Variants in PTPRK observed in about 807,000 individuals in gnomAD.
The protein encoded by PTPRK is protein tyrosine phosphatase receptor type K.
PTPRK carries 75 observed loss-of-function variants against 178.0 expected under a neutral mutation model. That is an observed-to-expected ratio of 0.42 (90% CI 0.35 to 0.51). The LOEUF is 0.51. Among genes scored for constraint, PTPRK ranks in the 20% least tolerant of loss-of-function variants. The pLI is 0.02. For synonymous variants in PTPRK, 637 were observed against 620.6 expected (o/e 1.03, Z -0.39); for missense variants, 1,441 against 1,797.8 (o/e 0.80, Z 3.59).
In PTPRK at chr6:128,297,736, G is replaced by A. The variant is rs567091967; in HGVS notation, c.495+24303C>T. Among the ~76,000 whole-genome samples the A allele has an allele frequency of 3.3e-5, 5 of 152,186 alleles. No individual in the cohort carries two copies. In the East Asian group the frequency reaches 9.7e-4, roughly 29 times the overall value. On this transcript the variant is annotated intron_variant, in intron 3 of 29. Coordinates refer to ENST00000368226, the MANE Select transcript of PTPRK (RefSeq NM_002844.4). ...GACACATTCAAAGCAGTGTGTAGAG[G>A]GAAATTTATAGCACTAAATGCCCAC...
chr6:128,254,143 G>C (rs1166641794), intron 3 of PTPRK, among the ~76,000 whole-genome samples: 1 of 152,116 alleles, frequency 6.6e-6, no homozygotes, highest in African/African-American at 2.4e-5. Flanking sequence ...GAGGAGAAAG[G>C]TTTTGACATA....
At chr6:128,154,094 G>C (rs1433097686) in intron 7 of PTPRK, among the ~76,000 whole-genome samples, 1 of 151,706 alleles carries the variant, frequency 6.6e-6, no homozygotes, top group East Asian at 1.9e-4. Flanking sequence ...GATAGAAAAA[G>C]CTAAGACAGG....
At chr6:128,079,288 G>A (rs549905498) in intron 10 of PTPRK, among the ~76,000 whole-genome samples, 55 of 152,088 alleles carry the variant, frequency 3.6e-4, no homozygotes, top group African/African-American at 1.3e-3. Flanking sequence ...CACATATGGC[G>A]ATCAGGAGCT....
intron 3 of PTPRK, among the ~76,000 whole-genome samples, chr6:128,251,875 T>A (rs1273947623): frequency 1.3e-5 from 2 of 152,200 alleles, no homozygotes; most frequent in African/African-American, 2.4e-5. Flanking sequence ...GCATTACCAA[T>A]TGCCTGCATG....
chr6:128,460,442 T>G (rs1206602140), intron 1 of PTPRK, among the ~76,000 whole-genome samples: 1 of 151,928 alleles, frequency 6.6e-6, no homozygotes, highest in East Asian at 1.9e-4. Context: ...TTCAAGAGGC[T>G]GAGGTGGGAG....
chr6:128,304,240 T>C (rs955129826), intron 3 of PTPRK, among the ~76,000 whole-genome samples: 5 of 152,308 alleles, frequency 3.3e-5, no homozygotes, highest in African/African-American at 1.2e-4. Context: ...TGAGAGAAAG[T>C]ATTTTAGAAT....
intron 2 of PTPRK, among the ~76,000 whole-genome samples, chr6:128,367,078 C>T (rs1835607218): frequency 6.6e-6 from 1 of 152,110 alleles, no homozygotes; most frequent in African/African-American, 2.4e-5. Flanking sequence ...ACCTTGGTCT[C>T]TATGTGCCAC....
intron 3 of PTPRK, among the ~76,000 whole-genome samples, chr6:128,304,976 G>C (rs1252762841): frequency 6.6e-6 from 1 of 152,104 alleles, no homozygotes; most frequent in Non-Finnish European, 1.5e-5. Flanking sequence ...CAGTTCTCTG[G>C]CATGCCTATT....
chr6:128,024,730 C>T (rs952396807), intron 13 of PTPRK, among the ~76,000 whole-genome samples: 1 of 152,030 alleles, frequency 6.6e-6, no homozygotes, highest in African/African-American at 2.4e-5. Flanking sequence ...GAATTGCAAC[C>T]TCCTGGGAGG....
intron 6 of PTPRK, among the ~76,000 whole-genome samples, chr6:128,191,020 G>A (rs1803697940): frequency 6.6e-6 from 1 of 152,114 alleles, no homozygotes; most frequent in South Asian, 2.1e-4. Flanking sequence ...AAGAAAGAGT[G>A]TGTACTGTGC....
chr6:128,459,263 G>C (rs1848743494), intron 1 of PTPRK, among the ~76,000 whole-genome samples: 1 of 152,004 alleles, frequency 6.6e-6, no homozygotes, highest in Admixed American at 6.6e-5. Context: ...AATGGTCAGG[G>C]CATGGCATCA....
At chr6:128,295,242 C>A (rs1471136361) in intron 3 of PTPRK, among the ~76,000 whole-genome samples, 1 of 152,052 alleles carries the variant, frequency 6.6e-6, no homozygotes, top group Non-Finnish European at 1.5e-5. Context: ...ACCCTTCCAA[C>A]CACTTAAAAG....
intron 13 of PTPRK, among the ~76,000 whole-genome samples, chr6:128,031,358 T>G (rs576878397): frequency 1.3e-5 from 2 of 152,346 alleles, no homozygotes; most frequent in East Asian, 3.9e-4. Flanking sequence ...CTTCCCATCC[T>G]CTGGCACTTT....
intron 3 of PTPRK, among the ~76,000 whole-genome samples, chr6:128,301,869 T>C (rs1299686131): frequency 6.6e-6 from 1 of 152,198 alleles, no homozygotes; most frequent in East Asian, 1.9e-4. Flanking sequence ...GAGGATATTA[T>C]CTCAGGGATT....
chr6:128,291,002 A>G (rs1823293098), intron 3 of PTPRK, among the ~76,000 whole-genome samples: 3 of 152,244 alleles, frequency 2.0e-5, no homozygotes, highest in South Asian at 4.1e-4. Context: ...TTCTTGAAAA[A>G]TGCCTACATA....
At chr6:127,987,520 G>C (rs1441043524) in intron 21 of PTPRK, among the ~76,000 whole-genome samples, 2 of 151,814 alleles carry the variant, frequency 1.3e-5, no homozygotes, top group Non-Finnish European at 2.9e-5. Context: ...TCTTACTTCT[G>C]TTTATCACTA....
chr6:127,979,126 A>T (rs1427033816), intron 25 of PTPRK, among the ~76,000 whole-genome samples: 4 of 152,124 alleles, frequency 2.6e-5, no homozygotes, highest in African/African-American at 9.7e-5. Context: ...ATAAAAAAAA[A>T]ATTAGCTGGG....
intron 2 of PTPRK, among the ~76,000 whole-genome samples, chr6:128,370,352 G>C (rs1836097603): frequency 6.6e-6 from 1 of 152,050 alleles, no homozygotes; most frequent in Non-Finnish European, 1.5e-5. Context: ...GTTGCTCACA[G>C]CTACAGAATA....
chr6:128,134,203 C>T (rs866925825), intron 7 of PTPRK, among the ~76,000 whole-genome samples: 2 of 152,192 alleles, frequency 1.3e-5, no homozygotes, highest in South Asian at 4.1e-4. Context: ...TATAGCTTTT[C>T]TTAGGACATG....
Sources: allele counts gnomAD v4.1 joint callset (sites outside exome capture counted in the v4.1 genomes callset), GRCh38; gene constraint gnomAD v4.1.1; transcripts MANE v1.5; gene names NCBI Gene and HGNC (gene_info 2026-07-23, HGNC 2026-07-21).